The following SEMA3D variants were observed in gnomAD, a reference collection of about 807,000 sequenced individuals.
SEMA3D encodes the protein semaphorin 3D, also known as semaphorin-3D.
SEMA3D carries 84 observed loss-of-function variants against 100.1 expected under a neutral mutation model. The ratio of observed to expected loss-of-function variants is 0.84; its 90% CI spans 0.70 to 1.01. The LOEUF (loss-of-function observed/expected upper bound fraction) is 1.01, where lower values mean the gene tolerates loss of function less well. Among genes scored for constraint, SEMA3D ranks in the 50% least tolerant of loss-of-function variants. The probability of loss-of-function intolerance (pLI) is 0.00; values close to 1 mark genes in which losing one functional copy is unlikely to be tolerated. For missense variants in SEMA3D, 875 were observed against 934.1 expected, an observed-to-expected ratio of 0.94 and a Z score of 0.82; for synonymous variants, 312 against 320.7, an observed-to-expected ratio of 0.97 and a Z score of 0.29.
intron 2 of SEMA3D, chr7:85,140,781 C>T: frequency 1.2e-5 from 12 of 966,650 alleles, no homozygotes; most frequent in Non-Finnish European, 1.5e-5. Flanking sequence ...GTATATTTTG[C>T]TGCTGCTTAA....
At chr7:85,045,211 T>C (rs1352452085) in intron 9 of SEMA3D, among the ~76,000 whole-genome samples, 1 of 151,990 alleles carries the variant, frequency 6.6e-6, no homozygotes, top group Non-Finnish European at 1.5e-5. Context: ...CCAGGACATC[T>C]AGGAGAATCA....
At chr7:85,249,875 C>T in the SEMA3D span, among the ~76,000 whole-genome samples, 16 of 152,142 alleles carry the variant, frequency 1.1e-4, no homozygotes, top group South Asian at 8.3e-4. Context: ...CCAAGATGGC[C>T]GAATAGGAAC....
the SEMA3D span, among the ~76,000 whole-genome samples, chr7:85,201,998 G>C: frequency 6.6e-6 from 1 of 151,360 alleles, no homozygotes; most frequent in East Asian, 1.9e-4. Context: ...AGGATTACAG[G>C]CATGAGCTAT....
At chr7:85,170,829 C>CA (rs1259438401) in intron 1 of SEMA3D, among the ~76,000 whole-genome samples, 1 of 151,974 alleles carries the variant, frequency 6.6e-6, no homozygotes, top group African/African-American at 2.4e-5. Flanking sequence ...CCTAGCATTT[C>CA]AAGTTTCTGC....
chr7:85,174,507 G>A (rs1257655580), intron 1 of SEMA3D, among the ~76,000 whole-genome samples: 7 of 152,152 alleles, frequency 4.6e-5, no homozygotes, highest in Non-Finnish European at 4.4e-5. Context: ...ATTAATTTCA[G>A]TCAAGTATTA....
At chr7:85,000,867 A>C (rs1789637168) in intron 18 of SEMA3D, among the ~76,000 whole-genome samples, 1 of 152,306 alleles carries the variant, frequency 6.6e-6, no homozygotes, top group South Asian at 2.1e-4. Context: ...TGAGTGGTTC[A>C]GCATTAAGTG....
chr7:85,039,281 T>C (rs1038924324), intron 11 of SEMA3D, among the ~76,000 whole-genome samples: 1 of 152,186 alleles, frequency 6.6e-6, no homozygotes, highest in Middle Eastern at 3.2e-3. Flanking sequence ...TTTTGTTTTG[T>C]TTGAGACAGA....
At chr7:85,140,719 A>G in intron 2 of SEMA3D, 1 of 980,110 alleles carries the variant, frequency 1.0e-6, no homozygotes, top group Non-Finnish European at 1.2e-6. Flanking sequence ...TCTATTTAAT[A>G]CAAGTTTCTT....
upstream of SEMA3D, among the ~76,000 whole-genome samples, chr7:85,189,449 A>G (rs1791645240): frequency 6.6e-6 from 1 of 152,176 alleles, no homozygotes; most frequent in Admixed American, 6.5e-5. Flanking sequence ...CCCTATCTAA[A>G]TTCTTAAAAT....
rs538340483 is a variant in SEMA3D at position 85,062,111 on chromosome 7, G to A, written c.718+3313C>T. On this transcript the variant is annotated intron_variant, in intron 8 of 18. Coordinates refer to ENST00000284136, the MANE Select transcript of SEMA3D (RefSeq NM_001384900.1). ...CAATGGAAATGATACAATATCAGGG[G>A]CGAGATACACATATTCGAGCTTCAA... Among the ~76,000 whole-genome samples the A allele has an allele frequency of 5.3e-5, 8 of 152,294 alleles. No homozygotes were observed. In the South Asian group the frequency reaches 1.5e-3, roughly 28 times the overall value.
chr7:85,089,779 T>G (rs1302490300), intron 4 of SEMA3D, among the ~76,000 whole-genome samples: 1 of 152,072 alleles, frequency 6.6e-6, no homozygotes, highest in Non-Finnish European at 1.5e-5. Context: ...TAGTCCCAAC[T>G]ACTCAGGAGG....
At chr7:85,007,088 T>TGAGA in intron 17 of SEMA3D, 147 bp from the exon 18 acceptor site, 1 of 522,356 alleles carries the variant, frequency 1.9e-6, no homozygotes, top group Non-Finnish European at 3.2e-6. Flanking sequence ...TATTGTTACC[T>TGAGA]GAGACAAATA....
chr7:85,200,075 C>T, the SEMA3D span, among the ~76,000 whole-genome samples: 2 of 152,174 alleles, frequency 1.3e-5, no homozygotes, highest in African/African-American at 2.4e-5. Context: ...TCCATTAAAC[C>T]TGTTTCTTTT....
Position 84,998,209 on chromosome 7 carries a change from T to C in SEMA3D, c.*1231A>G, listed in dbSNP as rs1253358960. The stretch of plus-strand genomic sequence containing the variant: ...GAAATGTCATTTTCTTAATTCTCTG[T>C]GTGTTATATATTGTTTTCTCCTATT... On this transcript the variant is annotated 3_prime_UTR_variant, in exon 19 of 19. Coordinates refer to ENST00000284136, the MANE Select transcript of SEMA3D (RefSeq NM_001384900.1). 6.6e-6 allele frequency: 1 copy of C among 152,116 alleles called. No homozygotes were observed. Among genetic ancestry groups the C allele is most frequent in the African/African-American group, 2.4e-5 (1 of 41,442 alleles). 9.4% of individuals were successfully genotyped at this position (152,116 alleles called of 1,614,324 possible).
chr7:85,160,220 G>C (rs1429893486), intron 1 of SEMA3D, among the ~76,000 whole-genome samples: 3 of 152,028 alleles, frequency 2.0e-5, no homozygotes, highest in African/African-American at 4.8e-5. Flanking sequence ...TACCATTGAA[G>C]TGTGAACGAA....
the SEMA3D span, among the ~76,000 whole-genome samples, chr7:85,234,772 T>G: frequency 6.6e-6 from 1 of 152,190 alleles, no homozygotes; most frequent in African/African-American, 2.4e-5. Flanking sequence ...CAAGAAATAA[T>G]GAAGCAAATA....
the SEMA3D span, among the ~76,000 whole-genome samples, chr7:85,217,278 T>C: frequency 6.6e-6 from 1 of 152,052 alleles, no homozygotes; most frequent in Non-Finnish European, 1.5e-5. Flanking sequence ...TAGCTGCATA[T>C]GCCTGTTTCC....
At chr7:85,199,536 G>A in the SEMA3D span, among the ~76,000 whole-genome samples, 7 of 152,158 alleles carry the variant, frequency 4.6e-5, 1 homozygote, top group South Asian at 1.5e-3. Context: ...TACCTTGTCT[G>A]TTATCAGAAA....
intron 1 of SEMA3D, chr7:85,159,871 C>A: frequency 1.0e-6 from 1 of 984,958 alleles, no homozygotes; most frequent in African/African-American, 1.7e-5. Flanking sequence ...CATTATATGA[C>A]TGGAGGAAGG....
Sources: allele counts gnomAD v4.1 joint callset (sites outside exome capture counted in the v4.1 genomes callset), GRCh38; gene constraint gnomAD v4.1.1; transcripts MANE v1.5; gene names NCBI Gene and HGNC (gene_info 2026-07-23, HGNC 2026-07-21).